The following PTPRN2 variants were observed in gnomAD, a reference collection of about 807,000 sequenced individuals.
PTPRN2 encodes the protein receptor-type tyrosine-protein phosphatase N2.
A neutral mutation model predicts 118.8 loss-of-function variants in PTPRN2; 74 were observed. The ratio of observed to expected loss-of-function variants is 0.62; its 90% CI spans 0.52 to 0.76. The LOEUF (loss-of-function observed/expected upper bound fraction) is 0.76. Among genes scored for constraint, PTPRN2 ranks in the 30% least tolerant of loss-of-function variants. PTPRN2 has a pLI of 0.00. For missense variants in PTPRN2, 1,481 were observed against 1,394.4 expected (o/e 1.06, Z -0.99); for synonymous variants, 641 against 608.0 (o/e 1.05, Z -0.80).
intron 11 of PTPRN2, among the ~76,000 whole-genome samples, chr7:157,924,058 G>A (rs1798833772): frequency 6.6e-6 from 1 of 152,150 alleles, no homozygotes; most frequent in Non-Finnish European, 1.5e-5. Context: ...TGGGACAATG[G>A]GGGATGGCAA....
rs150920506 is a variant in PTPRN2, at chr7:157,787,647, G to A, written c.1789-104710C>T. On this transcript the variant is annotated intron_variant, in intron 12 of 22. Transcript: ENST00000389418. The surrounding 1 kb of genome is among the most constrained non-coding windows in gnomAD (Gnocchi z 5.3). ...CAAGGACATGCATTTCACACTGACC[G>A]GGGCCTCCCTGGGACACCCTGAACA... Among the ~76,000 whole-genome samples, 14 of 152,234 alleles carry A rather than the reference G, an allele frequency of 9.2e-5. No individual in the cohort carries two copies. The highest frequency in any genetic ancestry group is 2.6e-4 in the African/African-American group (11 of 41,546).
chr7:158,195,615 T>G (rs906941042), intron 4 of PTPRN2, among the ~76,000 whole-genome samples: 1 of 114,808 alleles, frequency 8.7e-6, no homozygotes, highest in African/African-American at 4.3e-5. Context: ...CTCACTGGTG[T>G]TTTTTATTTT....
At chr7:157,592,423 C>G (rs1367707002) in intron 17 of PTPRN2, among the ~76,000 whole-genome samples, 1 of 152,068 alleles carries the variant, frequency 6.6e-6, no homozygotes, top group Non-Finnish European at 1.5e-5. Flanking sequence ...ATGTGGGCAT[C>G]ATCGTGGTCG....
intron 12 of PTPRN2, among the ~76,000 whole-genome samples, chr7:157,765,700 CCATCCAT>C (rs1802419627): frequency 6.6e-6 from 1 of 150,694 alleles, no homozygotes; most frequent in Admixed American, 6.6e-5. Context: ...ACCCATCCAC[CCATCCAT>C]CATCCATTCT....
intron 11 of PTPRN2, among the ~76,000 whole-genome samples, chr7:157,916,267 G>C (rs1338534430): frequency 2.0e-5 from 3 of 152,210 alleles, no homozygotes; most frequent in Non-Finnish European, 2.9e-5. Flanking sequence ...TGCTGGGTCA[G>C]AGGGTCTCAC....
chr7:158,295,309 G>A (rs1210062639), intron 3 of PTPRN2, among the ~76,000 whole-genome samples: 1 of 12,052 alleles, frequency 8.3e-5, no homozygotes, highest in East Asian at 1.1e-3. Flanking sequence ...CACGGCACCC[G>A]CTGACCCTGC....
chr7:158,141,940 C>T (rs894622740), intron 6 of PTPRN2, among the ~76,000 whole-genome samples: 2 of 152,206 alleles, frequency 1.3e-5, no homozygotes, highest in South Asian at 2.1e-4. Context: ...GCGTGCTGGG[C>T]GTTCACTGCC....
rs567090088 is a variant in PTPRN2, at chr7:157,979,727, G to T, written c.1724-80990C>A. ...TTATGTATTCTGCTCTCTGCAGGGG[G>T]TGCCGCTGAATGCCGGTCCTTGGAG... On this transcript the variant is annotated intron_variant, in intron 11 of 22. Coordinates refer to ENST00000389418, the MANE Select transcript of PTPRN2 (RefSeq NM_002847.5). Among the ~76,000 whole-genome samples, 78 of 152,334 alleles carry T rather than the reference G, an allele frequency of 5.1e-4. No individual in the cohort carries two copies. In the South Asian group the frequency reaches 0.016, roughly 31 times the overall value.
intron 11 of PTPRN2, among the ~76,000 whole-genome samples, chr7:158,063,996 G>C (rs1810564695): frequency 1.3e-5 from 2 of 152,182 alleles, no homozygotes; most frequent in South Asian, 2.1e-4. Context: ...CACACACACA[G>C]TGAGACACGG....
chr7:158,173,601 C>T (rs201988415), intron 5 of PTPRN2, among the ~76,000 whole-genome samples: 2 of 152,188 alleles, frequency 1.3e-5, no homozygotes, highest in African/African-American at 2.4e-5. Flanking sequence ...CGAGAGCAGA[C>T]AACTGGTCTG....
chr7:158,051,074 A>G (rs887667079), intron 11 of PTPRN2, among the ~76,000 whole-genome samples: 1 of 152,234 alleles, frequency 6.6e-6, no homozygotes, highest in East Asian at 1.9e-4. Context: ...TGGTGTGTAC[A>G]TCTGAGAAGC....
At chr7:158,147,350 C>T (rs1160104543) in intron 6 of PTPRN2, among the ~76,000 whole-genome samples, 2 of 87,570 alleles carry the variant, frequency 2.3e-5, no homozygotes, top group Admixed American at 1.0e-4. Flanking sequence ...CCCCATCTCA[C>T]GCCACGTATC....
intron 2 of PTPRN2, among the ~76,000 whole-genome samples, chr7:158,363,056 C>T (rs566499968): frequency 9.9e-5 from 15 of 152,236 alleles, no homozygotes; most frequent in African/African-American, 2.9e-4. Context: ...GATTATGCAC[C>T]GCGCGTCATG....
At position 158,546,320 on chromosome 7, in the gene PTPRN2, G is replaced by A. The variant is rs116493781; in HGVS notation, c.112+41238C>T. 5.9e-5 allele frequency among the ~76,000 whole-genome samples: 9 copies of A among 152,336 alleles called. No homozygotes were observed. The highest frequency in any genetic ancestry group is 3.9e-4 in the East Asian group (2 of 5,172). ...AGCAGCTTGAGCTTCACGCCTGCCC[G>A]GAGACGGGGTCCGCGAGGTGCCAGC... On this transcript the variant is annotated intron_variant, in intron 1 of 22. Transcript: ENST00000389418. This position sits in a 1 kb window ranked among gnomAD's most constrained non-coding sequence, Gnocchi z 5.0.
intron 11 of PTPRN2, among the ~76,000 whole-genome samples, chr7:158,039,379 A>G (rs758466172): frequency 2.0e-5 from 3 of 152,340 alleles, no homozygotes; most frequent in Admixed American, 2.0e-4. Context: ...CCAGGTGTGC[A>G]GGTTCAGGCT....
chr7:157,652,739 C>T (rs1156694721), intron 14 of PTPRN2, among the ~76,000 whole-genome samples: 2 of 152,208 alleles, frequency 1.3e-5, no homozygotes, highest in South Asian at 2.1e-4. Context: ...CCCCATGGAT[C>T]CCCCCATCGG....
At chr7:158,284,696 C>T (rs1447633021) in intron 3 of PTPRN2, among the ~76,000 whole-genome samples, 4 of 152,200 alleles carry the variant, frequency 2.6e-5, no homozygotes, top group African/African-American at 4.8e-5. Flanking sequence ...CACCTCTGTC[C>T]CCTCTACCCA....
chr7:157,817,176 C>A (rs1806464027), intron 12 of PTPRN2, among the ~76,000 whole-genome samples: 1 of 152,242 alleles, frequency 6.6e-6, no homozygotes, highest in Admixed American at 6.5e-5. Context: ...GATTTAAACC[C>A]AAATCCTTTC....
chr7:158,094,468 C>A (rs769950133), intron 10 of PTPRN2, among the ~76,000 whole-genome samples: 1 of 152,102 alleles, frequency 6.6e-6, no homozygotes, highest in Non-Finnish European at 1.5e-5. Flanking sequence ...TGCCACCATG[C>A]TCAGCTAATT....
Sources: gnomAD v4.1 joint callset for allele counts (sites outside exome capture counted in the v4.1 genomes callset) on GRCh38, gnomAD v4.1.1 for gene constraint, Gnocchi (gnomAD v3.1) non-coding constraint, MANE v1.5 for transcripts, NCBI Gene and HGNC (gene_info 2026-07-23, HGNC 2026-07-21) for gene names.